The following CNBD1 variants were observed in gnomAD, a reference collection of about 807,000 sequenced individuals.
The protein encoded by CNBD1 is cyclic nucleotide-binding domain-containing protein 1.
A neutral mutation model predicts 54.4 loss-of-function variants in CNBD1; 71 were observed. The ratio of observed to expected loss-of-function variants is 1.30; its 90% CI spans 1.08 to 1.59. The LOEUF (loss-of-function observed/expected upper bound fraction) is 1.59. CNBD1 is among the 40% of genes most tolerant of loss of function. The pLI is 0.00. For missense variants in CNBD1, 659 were observed against 518.0 expected (o/e 1.27, Z -2.64); for synonymous variants, 182 against 170.7 (o/e 1.07, Z -0.51).
At chr8:87,200,966 T>C (rs1360801630) in intron 4 of CNBD1, among the ~76,000 whole-genome samples, 1 of 152,094 alleles carries the variant, frequency 6.6e-6, no homozygotes, top group African/African-American at 2.4e-5. Context: ...TACAAGCCAA[T>C]GTCCCTTATG....
At chr8:87,110,657 T>C (rs1811643636) in intron 4 of CNBD1, among the ~76,000 whole-genome samples, 1 of 152,230 alleles carries the variant, frequency 6.6e-6, no homozygotes, top group Non-Finnish European at 1.5e-5. Context: ...ACATGCCACT[T>C]CTGTTCATCA....
chr8:87,385,166 G>C (rs1385914064), downstream of CNBD1, among the ~76,000 whole-genome samples: 2 of 152,106 alleles, frequency 1.3e-5, no homozygotes, highest in Admixed American at 6.6e-5. Context: ...AATAGGATCA[G>C]CTCCAGTCTA....
chr8:87,266,659 T>C (rs1808265511), intron 6 of CNBD1, among the ~76,000 whole-genome samples: 1 of 151,282 alleles, frequency 6.6e-6, no homozygotes, highest in Admixed American at 6.6e-5. Flanking sequence ...TCCATGTTGG[T>C]CAGGCTAGTC....
intron 4 of CNBD1, among the ~76,000 whole-genome samples, chr8:87,094,559 T>G (rs1358197288): frequency 6.6e-6 from 1 of 152,002 alleles, no homozygotes; most frequent in Non-Finnish European, 1.5e-5. Context: ...ATATTGACAA[T>G]GCTAATTTAT....
At chr8:87,211,535 C>T (rs537558456) in intron 5 of CNBD1, among the ~76,000 whole-genome samples, 16 of 152,134 alleles carry the variant, frequency 1.1e-4, no homozygotes, top group East Asian at 9.7e-4. Flanking sequence ...GGGGTGGGTC[C>T]CTTGTGACTT....
chr8:86,944,950 T>G (rs962382158), intron 4 of CNBD1, among the ~76,000 whole-genome samples: 2 of 152,192 alleles, frequency 1.3e-5, no homozygotes, highest in Admixed American at 1.3e-4. Flanking sequence ...TGAGCAGGAC[T>G]GAACAGACAG....
intron 5 of CNBD1, among the ~76,000 whole-genome samples, chr8:87,208,546 A>T (rs1814026163): frequency 6.6e-6 from 1 of 152,012 alleles, no homozygotes; most frequent in African/African-American, 2.4e-5. Context: ...ATTAGATCAC[A>T]TTTTTATGGC....
At chr8:87,084,682 C>CT (rs1350319178) in intron 4 of CNBD1, among the ~76,000 whole-genome samples, 2,222 of 144,390 alleles carry the variant, frequency 0.015, 55 homozygotes, top group African/African-American at 0.048. Flanking sequence ...TTTTTCTTTT[C>CT]TTTTTTTTTT....
At chr8:87,292,922 C>T (rs1808812744) in intron 8 of CNBD1, among the ~76,000 whole-genome samples, 1 of 152,066 alleles carries the variant, frequency 6.6e-6, no homozygotes, top group Non-Finnish European at 1.5e-5. Context: ...TTTCCGCTGG[C>T]TACTCTATTT....
intron 4 of CNBD1, among the ~76,000 whole-genome samples, chr8:87,109,532 C>A (rs1316492570): frequency 2.5e-5 from 3 of 117,890 alleles, no homozygotes; most frequent in African/African-American, 9.9e-5. Context: ...TTCTTTCTTT[C>A]TTTCTTTCTT....
intron 2 of CNBD1, among the ~76,000 whole-genome samples, chr8:87,407,634 G>T (rs942708666): frequency 2.0e-5 from 3 of 151,936 alleles, no homozygotes; most frequent in East Asian, 1.9e-4. Flanking sequence ...AAAAATTCCT[G>T]TTGCTTTCAA....
At chr8:87,201,992 T>C (rs1305043991) in intron 4 of CNBD1, among the ~76,000 whole-genome samples, 1 of 152,134 alleles carries the variant, frequency 6.6e-6, no homozygotes, top group Non-Finnish European at 1.5e-5. Flanking sequence ...GTTTGTTTGA[T>C]AGAAGTTCAG....
intron 10 of CNBD1, among the ~76,000 whole-genome samples, chr8:87,374,438 A>G (rs761206603): frequency 6.6e-6 from 1 of 151,864 alleles, no homozygotes; most frequent in Non-Finnish European, 1.5e-5. Context: ...TCAAGATCCT[A>G]ATAAGGGCAA....
intron 8 of CNBD1, among the ~76,000 whole-genome samples, chr8:87,288,927 C>T (rs765242322): frequency 2.1e-4 from 32 of 151,978 alleles, no homozygotes; most frequent in African/African-American, 3.4e-4. Context: ...AATATACCTA[C>T]GTGAAGAATA....
chr8:86,986,841 A>T (rs1166082432), intron 4 of CNBD1, among the ~76,000 whole-genome samples: 1 of 151,924 alleles, frequency 6.6e-6, no homozygotes, highest in Admixed American at 6.6e-5. Flanking sequence ...GCTATTTCTG[A>T]GTTCTCTATT....
chr8:87,108,379 T>G (rs527561294), intron 4 of CNBD1, among the ~76,000 whole-genome samples: 3 of 152,346 alleles, frequency 2.0e-5, no homozygotes, highest in Admixed American at 2.0e-4. Flanking sequence ...TTACATTCAT[T>G]CCAGCAGTCA....
chr8:87,188,848 A>G (rs1049198251), intron 4 of CNBD1, among the ~76,000 whole-genome samples: 3 of 150,756 alleles, frequency 2.0e-5, no homozygotes, highest in Non-Finnish European at 4.4e-5. Flanking sequence ...GGTTGATTTA[A>G]AACATCTAAC....
At chr8:86,960,695 T>C (rs906961923) in intron 4 of CNBD1, among the ~76,000 whole-genome samples, 2 of 152,166 alleles carry the variant, frequency 1.3e-5, no homozygotes, top group Non-Finnish European at 2.9e-5. Flanking sequence ...CTCAAGTGGG[T>C]CCCTGATCCC....
chr8:87,180,396 T>C (rs1042386566), intron 4 of CNBD1, among the ~76,000 whole-genome samples: 1 of 152,148 alleles, frequency 6.6e-6, no homozygotes, highest in African/African-American at 2.4e-5. Context: ...TTCACCAAAA[T>C]AAGCCTAATA....
Sources: gnomAD v4.1 joint callset for allele counts (sites outside exome capture counted in the v4.1 genomes callset) on GRCh38, gnomAD v4.1.1 for gene constraint, MANE v1.5 for transcripts, NCBI Gene and HGNC (gene_info 2026-07-23, HGNC 2026-07-21) for gene names.